GABRB1: variants seen among roughly 807,000 people sequenced by gnomAD.
GABRB1 encodes gamma-aminobutyric acid receptor subunit beta-1.
A neutral mutation model predicts 51.6 loss-of-function variants in GABRB1; 17 were observed. The ratio of observed to expected loss-of-function variants is 0.33; its 90% confidence interval spans 0.23 to 0.49. GABRB1 has a LOEUF of 0.49. GABRB1 is among the 20% of genes least tolerant of loss of function. GABRB1 has a pLI of 0.99. For synonymous variants in GABRB1, 247 were observed against 218.9 expected, an observed-to-expected ratio of 1.13 and a Z score of -1.14; for missense variants, 410 against 600.6, an observed-to-expected ratio of 0.68 and a Z score of 3.32.
chr4:47,381,596 C>T (rs184269451), intron 5 of GABRB1, among the ~76,000 whole-genome samples: 1 of 152,328 alleles, frequency 6.6e-6, no homozygotes, highest in Non-Finnish European at 1.5e-5. Flanking sequence ...GTGGAATGAA[C>T]AGCCTTCCCT....
chr4:47,245,304 A>G (rs1157756130), intron 4 of GABRB1, among the ~76,000 whole-genome samples: 1 of 152,222 alleles, frequency 6.6e-6, no homozygotes, highest in African/African-American at 2.4e-5. Flanking sequence ...AAAAATATCA[A>G]GTGACCAATA....
chr4:47,174,484 C>T (rs1718581371), intron 4 of GABRB1, among the ~76,000 whole-genome samples: 1 of 152,118 alleles, frequency 6.6e-6, no homozygotes, highest in South Asian at 2.1e-4. Context: ...CCTCACAGTT[C>T]TATAGAAATT....
intron 5 of GABRB1, among the ~76,000 whole-genome samples, chr4:47,351,908 C>T (rs1420368508): frequency 6.6e-6 from 1 of 151,978 alleles, no homozygotes; most frequent in Non-Finnish European, 1.5e-5. Flanking sequence ...GATTTATAGT[C>T]CTTTGGGTAT....
At chr4:47,299,455 A>C (rs1724153977) in intron 4 of GABRB1, among the ~76,000 whole-genome samples, 1 of 152,230 alleles carries the variant, frequency 6.6e-6, no homozygotes, top group South Asian at 2.1e-4. Context: ...TTCTCAAAAG[A>C]AGACATTTAT....
At chr4:47,409,099 C>G (rs896315986) in intron 8 of GABRB1, among the ~76,000 whole-genome samples, 2 of 152,178 alleles carry the variant, frequency 1.3e-5, no homozygotes, top group Non-Finnish European at 2.9e-5. Flanking sequence ...AGCATGCAGA[C>G]GGGCAGGTGT....
Position 47,366,512 on chromosome 4 carries a change from T to C in GABRB1, c.545-36806T>C, listed in dbSNP as rs115740870. Among the ~76,000 whole-genome samples the C allele has an allele frequency of 7.7e-3, 1,169 of 152,312 alleles. 9 individuals are homozygous for C. The highest frequency in any genetic ancestry group is 0.025 in the African/African-American group (1,054 of 41,564). On this transcript the variant is annotated intron_variant, in intron 5 of 8. Transcript: ENST00000295454. Reference sequence around the variant, plus strand: ...TTTAAAAGCCTCAGTTGCTACTCATTGTCCATAGGATAAATTCAACCATTT... The same window carrying C: ...TTTAAAAGCCTCAGTTGCTACTCATCGTCCATAGGATAAATTCAACCATTT...
chr4:47,238,052 T>G (rs947694104), intron 4 of GABRB1, among the ~76,000 whole-genome samples: 18 of 152,078 alleles, frequency 1.2e-4, no homozygotes, highest in African/African-American at 4.1e-4. Context: ...GTTTTTAATA[T>G]AGAAGAATAT....
At chr4:47,152,925 G>A (rs1717525725) in intron 3 of GABRB1, among the ~76,000 whole-genome samples, 1 of 151,976 alleles carries the variant, frequency 6.6e-6, no homozygotes, top group Non-Finnish European at 1.5e-5. Context: ...GCTAATGCAA[G>A]CACTTATTAA....
At chr4:47,158,653 G>T (rs1312117456) in intron 3 of GABRB1, among the ~76,000 whole-genome samples, 1 of 152,022 alleles carries the variant, frequency 6.6e-6, no homozygotes, top group East Asian at 1.9e-4. Context: ...TATGACTGTG[G>T]TTGATACTTA....
chr4:47,029,350 T>C (rs137880014), upstream of GABRB1, among the ~76,000 whole-genome samples: 72 of 152,104 alleles, frequency 4.7e-4, no homozygotes, highest in African/African-American at 1.6e-3. Context: ...GCATATCTCA[T>C]GAGTTTAAAA....
intron 4 of GABRB1, among the ~76,000 whole-genome samples, chr4:47,270,076 T>C (rs772717589): frequency 6.6e-6 from 1 of 152,082 alleles, no homozygotes; most frequent in Non-Finnish European, 1.5e-5. Context: ...TTGTTAGTTG[T>C]CCAGTTCGCC....
intron 3 of GABRB1, among the ~76,000 whole-genome samples, chr4:47,105,695 A>G (rs1030450250): frequency 1.3e-5 from 2 of 152,126 alleles, no homozygotes; most frequent in Non-Finnish European, 2.9e-5. Flanking sequence ...ATAAGGAAGA[A>G]ACATCCGAGT....
In GABRB1 at chr4:47,416,453, C is replaced by CT. The variant is rs770636868; in HGVS notation, c.1081-9206dup. Among the ~76,000 whole-genome samples the CT allele has an allele frequency of 2.0e-3, 289 of 141,998 alleles. 1 individual carries two copies. Among genetic ancestry groups the CT allele is most frequent in the South Asian group, 0.011 (48 of 4,472 alleles). 93.2% of individuals were successfully genotyped at this position (141,998 alleles called of 152,430 possible). A position where few individuals can be genotyped will look rare whatever the true frequency, so the allele number is the denominator to read the frequency against. On this transcript the variant is annotated intron_variant, in intron 8 of 8. Coordinates refer to ENST00000295454, the MANE Select transcript of GABRB1 (RefSeq NM_000812.4). ...ATATAAATAGACATCATTTGTTTTA[C>CT]TTTTTTTTTTTTTTTGAGACAGAGT...
chr4:47,284,097 CAAAAAA>C (rs780643469), intron 4 of GABRB1, among the ~76,000 whole-genome samples: 2 of 48,918 alleles, frequency 4.1e-5, no homozygotes, highest in East Asian at 6.2e-4. Context: ...GACTCAGTCT[CAAAAAA>C]AAAAAAAAAA....
chr4:47,346,884 G>T (rs1423442132), intron 5 of GABRB1, among the ~76,000 whole-genome samples: 1 of 152,180 alleles, frequency 6.6e-6, no homozygotes, highest in African/African-American at 2.4e-5. Context: ...TGTACCAGCA[G>T]CCTCATGCTC....
chr4:47,068,667 C>T (rs1727187753), intron 3 of GABRB1, among the ~76,000 whole-genome samples: 1 of 152,122 alleles, frequency 6.6e-6, no homozygotes, highest in Non-Finnish European at 1.5e-5. Context: ...CTTATATGGG[C>T]ATGATTCATG....
intron 5 of GABRB1, among the ~76,000 whole-genome samples, chr4:47,326,572 CA>C (rs1480974194): frequency 6.6e-6 from 1 of 152,072 alleles, no homozygotes; most frequent in East Asian, 1.9e-4. Context: ...TTTGCAATTT[CA>C]TATATCTACT....
chr4:47,279,803 T>C (rs1473777905), intron 4 of GABRB1, among the ~76,000 whole-genome samples: 2 of 151,984 alleles, frequency 1.3e-5, no homozygotes, highest in African/African-American at 4.8e-5. Flanking sequence ...CTGTGTGTCC[T>C]TAGAGATGAA....
At chr4:47,270,559 A>G (rs140640266) in intron 4 of GABRB1, among the ~76,000 whole-genome samples, 1 of 152,318 alleles carries the variant, frequency 6.6e-6, no homozygotes, top group East Asian at 1.9e-4. Flanking sequence ...ATCAAGTGCT[A>G]GAAGAATTGA....
Sources: allele counts gnomAD v4.1 joint callset (sites outside exome capture counted in the v4.1 genomes callset), GRCh38; gene constraint gnomAD v4.1.1; transcripts MANE v1.5; gene names NCBI Gene and HGNC (gene_info 2026-07-23, HGNC 2026-07-21).